Variants in PDE11A observed in about 807,000 individuals in gnomAD.
The protein encoded by PDE11A is phosphodiesterase 11A, also known as dual 3',5'-cyclic-AMP and -GMP phosphodiesterase 11A.
A neutral mutation model predicts 100.5 loss-of-function variants in PDE11A; 100 were observed. The ratio of observed to expected loss-of-function variants is 1.00; its 90% confidence interval spans 0.85 to 1.18. The LOEUF (loss-of-function observed/expected upper bound fraction) is 1.18. Ranked by LOEUF, PDE11A falls within the 50% of genes most tolerant of loss-of-function variation. The pLI is 0.00. For synonymous variants in PDE11A, 381 were observed against 420.8 expected (o/e 0.91, Z 1.16); for missense variants, 1,141 against 1,152.6 (o/e 0.99, Z 0.15).
In PDE11A at chr2:177,625,642, A is replaced by C. The variant is rs955098020; in HGVS notation, c.*3765T>G. ...AAGCAAACATAATCTGGTCAGTTTG[A>C]GTTTTTACAAGAAGGCTCATATTTC... On this transcript the variant is annotated 3_prime_UTR_variant, in exon 20 of 20. Coordinates refer to ENST00000286063, the MANE Select transcript of PDE11A (RefSeq NM_016953.4). The C allele has an allele frequency of 6.6e-6, 1 of 152,226 alleles. No homozygotes were observed. The highest frequency in any genetic ancestry group is 1.5e-5 in the Non-Finnish European group (1 of 68,036). 9.4% of individuals were successfully genotyped at this position (152,226 alleles called of 1,614,324 possible). A position where few individuals can be genotyped will look rare whatever the true frequency, so the allele number is the denominator to read the frequency against.
intron 2 of PDE11A, among the ~76,000 whole-genome samples, chr2:178,085,887 T>C (rs187652941): frequency 5.9e-5 from 9 of 152,274 alleles, no homozygotes; most frequent in Middle Eastern, 3.4e-3. Context: ...CAAAGTACGA[T>C]TGACAAAAAG....
chr2:177,671,596 T>C (rs1462706874), intron 17 of PDE11A, among the ~76,000 whole-genome samples: 1 of 152,038 alleles, frequency 6.6e-6, no homozygotes, highest in East Asian at 1.9e-4. Flanking sequence ...AAAAAAAATT[T>C]AACCCATCAA....
At chr2:177,757,896 A>C (rs2082113111) in intron 10 of PDE11A, among the ~76,000 whole-genome samples, 1 of 152,126 alleles carries the variant, frequency 6.6e-6, no homozygotes, top group Non-Finnish European at 1.5e-5. Flanking sequence ...TTTTTATTAA[A>C]ATTCTGACTT....
At chr2:177,726,270 A>G (rs1013465744) in intron 12 of PDE11A, among the ~76,000 whole-genome samples, 10 of 152,158 alleles carry the variant, frequency 6.6e-5, no homozygotes, top group African/African-American at 9.7e-5. Context: ...ACAAGTCCCT[A>G]GTATAAAAGA....
intron 10 of PDE11A, among the ~76,000 whole-genome samples, chr2:177,734,358 A>G (rs2081741476): frequency 6.6e-6 from 1 of 152,198 alleles, no homozygotes; most frequent in African/African-American, 2.4e-5. Context: ...ACAAACGAGG[A>G]GATAAATAGT....
At chr2:178,053,354 G>C (rs1345245321) in intron 1 of PDE11A, among the ~76,000 whole-genome samples, 1 of 152,156 alleles carries the variant, frequency 6.6e-6, no homozygotes, top group Non-Finnish European at 1.5e-5. Flanking sequence ...GGTATTGATG[G>C]GATGTATCTC....
chr2:178,051,602 C>T (rs1290532717), intron 1 of PDE11A, among the ~76,000 whole-genome samples: 1 of 152,144 alleles, frequency 6.6e-6, no homozygotes, highest in Non-Finnish European at 1.5e-5. Flanking sequence ...GTGCTATATT[C>T]AGGAGACCTA....
intron 1 of PDE11A, among the ~76,000 whole-genome samples, chr2:178,034,551 C>T (rs1448061107): frequency 6.6e-6 from 1 of 152,174 alleles, no homozygotes; most frequent in Non-Finnish European, 1.5e-5. Flanking sequence ...GAACTCTCCA[C>T]CCCAAATCAA....
At chr2:178,064,248 T>C (rs1305213225) in intron 1 of PDE11A, among the ~76,000 whole-genome samples, 1 of 152,168 alleles carries the variant, frequency 6.6e-6, no homozygotes, top group Non-Finnish European at 1.5e-5. Context: ...AACCTAAGAA[T>C]TCAATTGTCA....
chr2:177,997,866 T>C (rs1392482359), intron 2 of PDE11A: 36 of 1,377,838 alleles, frequency 2.6e-5, no homozygotes, highest in Non-Finnish European at 3.6e-5. Context: ...TTGTTTCTAG[T>C]TTTTCCATGT....
chr2:177,895,693 A>G (rs2084602135), intron 4 of PDE11A, among the ~76,000 whole-genome samples: 1 of 152,220 alleles, frequency 6.6e-6, no homozygotes, highest in African/African-American at 2.4e-5. Context: ...TTATTTCTAG[A>G]ATTTAAAAAG....
At chr2:177,837,940 C>A (rs2083431415) in intron 6 of PDE11A, among the ~76,000 whole-genome samples, 2 of 152,224 alleles carry the variant, frequency 1.3e-5, no homozygotes, top group Admixed American at 6.5e-5. Context: ...GTTTAAAGGA[C>A]CTTTATGGTT....
intron 18 of PDE11A, among the ~76,000 whole-genome samples, chr2:177,666,699 T>C (rs1264281937): frequency 6.6e-6 from 1 of 150,670 alleles, no homozygotes; most frequent in African/African-American, 2.4e-5. Flanking sequence ...CATATTTTCT[T>C]TGGAGATATG....
At chr2:177,888,208 G>C (rs2084472672) in intron 4 of PDE11A, among the ~76,000 whole-genome samples, 1 of 152,084 alleles carries the variant, frequency 6.6e-6, no homozygotes, top group African/African-American at 2.4e-5. Context: ...GTTTTAAAGG[G>C]GAACAACACT....
intron 6 of PDE11A, among the ~76,000 whole-genome samples, chr2:177,824,863 A>C (rs2083202882): frequency 6.6e-6 from 1 of 152,204 alleles, no homozygotes; most frequent in African/African-American, 2.4e-5. Context: ...GCCTATGGGT[A>C]TACAAAAGCA....
intron 2 of PDE11A, among the ~76,000 whole-genome samples, chr2:177,963,089 C>A (rs1821628): frequency 2.3e-4 from 35 of 152,086 alleles, no homozygotes; most frequent in African/African-American, 8.2e-4. Context: ...TAAATAAAAT[C>A]TGGCAGTCAG....
chr2:177,827,969 C>A (rs1249267532), intron 6 of PDE11A, among the ~76,000 whole-genome samples: 1 of 152,148 alleles, frequency 6.6e-6, no homozygotes, highest in Admixed American at 6.5e-5. Context: ...CCCAAAGATA[C>A]AGCAAGGCAA....
At chr2:177,853,647 T>C (rs1185699762) in intron 5 of PDE11A, among the ~76,000 whole-genome samples, 3 of 16,710 alleles carry the variant, frequency 1.8e-4, no homozygotes, top group Admixed American at 8.6e-4. Flanking sequence ...TATATATATA[T>C]ATATATATAT....
intron 1 of PDE11A, chr2:178,018,387 A>AACTTGGCACACTTGACTTTC: frequency 2.0e-6 from 1 of 496,560 alleles, no homozygotes; most frequent in Admixed American, 2.1e-5. Flanking sequence ...ACTTGACTTT[A>AACTTGGCACACTTGACTTTC]ACCTTTGCCG....
Sources: gnomAD v4.1 joint callset for allele counts (sites outside exome capture counted in the v4.1 genomes callset) on GRCh38, gnomAD v4.1.1 for gene constraint, MANE v1.5 for transcripts, NCBI Gene and HGNC (gene_info 2026-07-23, HGNC 2026-07-21) for gene names.